LIN52: variants seen among roughly 807,000 people sequenced by gnomAD.
LIN52 encodes the protein protein lin-52 homolog.
LIN52 carries 4 observed loss-of-function variants against 18.5 expected under a neutral mutation model. That is an observed-to-expected ratio of 0.22 (90% CI 0.11 to 0.49). LIN52 has a LOEUF of 0.49. Among genes scored for constraint, LIN52 ranks in the 20% least tolerant of loss-of-function variants. The pLI, the probability that LIN52 is intolerant of heterozygous loss-of-function variation, is 0.97. For missense variants in LIN52, 102 were observed against 139.5 expected (o/e 0.73, Z 1.35); for synonymous variants, 34 against 45.5 (o/e 0.75, Z 1.02).
chr14:74,168,470 C>T (rs2061258458), intron 5 of LIN52, among the ~76,000 whole-genome samples: 1 of 150,972 alleles, frequency 6.6e-6, no homozygotes, highest in African/African-American at 2.4e-5. Flanking sequence ...AGATCGAGAC[C>T]ATCCTGGCTA....
intron 5 of LIN52, among the ~76,000 whole-genome samples, chr14:74,153,505 T>C (rs2061185804): frequency 6.6e-6 from 1 of 152,120 alleles, no homozygotes; most frequent in South Asian, 2.1e-4. Flanking sequence ...TATAAACATG[T>C]TGTCTTTTAA....
chr14:74,136,410 A>G (rs1470037545), intron 5 of LIN52, among the ~76,000 whole-genome samples: 2 of 152,152 alleles, frequency 1.3e-5, no homozygotes, highest in Non-Finnish European at 2.9e-5. Flanking sequence ...CTTAGGTTGA[A>G]AAGCTTGTTA....
At chr14:74,179,929 G>C (rs987568509) in intron 5 of LIN52, among the ~76,000 whole-genome samples, 6 of 152,172 alleles carry the variant, frequency 3.9e-5, no homozygotes, top group Non-Finnish European at 8.8e-5. Flanking sequence ...ATCACCTGTA[G>C]GGCTGGCTAA....
chr14:74,128,281 A>G (rs533815913), intron 5 of LIN52, among the ~76,000 whole-genome samples: 1 of 152,166 alleles, frequency 6.6e-6, no homozygotes, highest in East Asian at 1.9e-4. Context: ...CAAGACAGCT[A>G]GAGTTCACAG....
At chr14:74,192,025 C>T (rs2078880144) in intron 5 of LIN52, among the ~76,000 whole-genome samples, 1 of 152,198 alleles carries the variant, frequency 6.6e-6, no homozygotes, top group South Asian at 2.1e-4. Flanking sequence ...CGACATTACT[C>T]CAGCCAGGCT....
At chr14:74,125,700 A>G (rs184293197) in intron 5 of LIN52, among the ~76,000 whole-genome samples, 52 of 152,176 alleles carry the variant, frequency 3.4e-4, no homozygotes, top group African/African-American at 1.2e-3. Context: ...CTGGAATACT[A>G]TGCAGCCATG....
chr14:74,196,705 A>G (rs1057503208), intron 5 of LIN52, among the ~76,000 whole-genome samples: 1 of 152,190 alleles, frequency 6.6e-6, no homozygotes, highest in Non-Finnish European at 1.5e-5. Flanking sequence ...TCATTCATTC[A>G]TTCATTCATT....
At chr14:74,183,247 G>A (rs1416305231) in intron 5 of LIN52, among the ~76,000 whole-genome samples, 2 of 147,310 alleles carry the variant, frequency 1.4e-5, no homozygotes, top group South Asian at 2.1e-4. Flanking sequence ...ACAGGTGCCC[G>A]CCACCACGCC....
At chr14:74,089,529 G>A (rs554654442) in intron 1 of LIN52, among the ~76,000 whole-genome samples, 1 of 151,954 alleles carries the variant, frequency 6.6e-6, no homozygotes, top group Non-Finnish European at 1.5e-5. Flanking sequence ...CACCACACCT[G>A]GCTAATTTTT....
intron 5 of LIN52, among the ~76,000 whole-genome samples, chr14:74,138,769 CAA>C (rs35627946): frequency 2.8e-4 from 32 of 113,778 alleles, no homozygotes; most frequent in Non-Finnish European, 3.1e-4. Flanking sequence ...GACCCTGCCT[CAA>C]AAAAAAAAAA....
chr14:74,124,810 C>CAGAAA (rs2061019271), intron 5 of LIN52, among the ~76,000 whole-genome samples: 1 of 59,442 alleles, frequency 1.7e-5, no homozygotes, highest in Non-Finnish European at 3.1e-5. Context: ...GACCCTGTCT[C>CAGAAA]AAAAAAAAAA....
chr14:74,172,066 A>G (rs1047373015), intron 5 of LIN52, among the ~76,000 whole-genome samples: 3 of 152,184 alleles, frequency 2.0e-5, no homozygotes, highest in African/African-American at 7.2e-5. Flanking sequence ...AACTTAAGTC[A>G]TATTTCTTGG....
At position 74,161,254 on chromosome 14, in the gene LIN52, C is replaced by T. The variant is rs528006742; in HGVS notation, c.284-37668C>T. The stretch of plus-strand genomic sequence containing the variant: ...CATGCTGGAGTGCAGTGCATGATCT[C>T]GGCTCACTGCAACCTCCGCCTCCTG... On this transcript the variant is annotated intron_variant, in intron 5 of 5. Coordinates refer to ENST00000555028, the MANE Select transcript of LIN52 (RefSeq NM_001024674.3). Among the ~76,000 whole-genome samples, 68 of 152,166 alleles carry T rather than the reference C, an allele frequency of 4.5e-4. 1 individual carries two copies. The South Asian group carries it at 6.4e-3, about 14-fold the overall frequency.
At chr14:74,158,363 T>C (rs1014933233) in intron 5 of LIN52, among the ~76,000 whole-genome samples, 10 of 152,212 alleles carry the variant, frequency 6.6e-5, no homozygotes, top group African/African-American at 2.2e-4. Flanking sequence ...TCCTCTCGCC[T>C]CAGCCTCCCA....
At chr14:74,176,018 G>GGTTA (rs991504254) in intron 5 of LIN52, among the ~76,000 whole-genome samples, 3 of 152,082 alleles carry the variant, frequency 2.0e-5, no homozygotes, top group African/African-American at 7.2e-5. Flanking sequence ...GACTACACAT[G>GGTTA]GTTAGGATCA....
intron 5 of LIN52, among the ~76,000 whole-genome samples, chr14:74,131,918 A>T (rs571325959): frequency 6.6e-6 from 1 of 152,328 alleles, no homozygotes; most frequent in East Asian, 1.9e-4. Flanking sequence ...TTAGAGATAG[A>T]GTCACAACCC....
chr14:74,157,909 G>A (rs1192992664), intron 5 of LIN52, among the ~76,000 whole-genome samples: 2 of 152,146 alleles, frequency 1.3e-5, no homozygotes, highest in East Asian at 3.9e-4. Context: ...TCAGATTAAG[G>A]GCTTTGTGCA....
intron 5 of LIN52, among the ~76,000 whole-genome samples, chr14:74,102,735 G>A (rs1019718886): frequency 1.3e-5 from 2 of 152,078 alleles, no homozygotes; most frequent in African/African-American, 4.8e-5. Flanking sequence ...TGTTATGTTT[G>A]TTATATCAAG....
rs71115969 is a variant in LIN52 at position 74,185,309 on chromosome 14, C to CTTTTTTTTTT, written c.284-13599_284-13590dup. 1.1e-3 allele frequency among the ~76,000 whole-genome samples: 84 copies of CTTTTTTTTTT among 78,790 alleles called. 5 individuals carry two copies. Among genetic ancestry groups the CTTTTTTTTTT allele is most frequent in the East Asian group, 2.4e-3 (6 of 2,450 alleles). 51.7% of individuals were successfully genotyped at this position (78,790 alleles called of 152,430 possible). A position where few individuals can be genotyped will look rare whatever the true frequency, so the allele number is the denominator to read the frequency against. ...AATATATTTGATTTTATAATGATTT[C>CTTTTTTTTTT]TTTTTTTTTTTTTTTTTTTTTTTGA... On this transcript the variant is annotated intron_variant, in intron 5 of 5. Coordinates refer to ENST00000555028, the MANE Select transcript of LIN52 (RefSeq NM_001024674.3).
Sources: allele counts gnomAD v4.1 joint callset (sites outside exome capture counted in the v4.1 genomes callset), GRCh38; gene constraint gnomAD v4.1.1; transcripts MANE v1.5; gene names NCBI Gene and HGNC (gene_info 2026-07-23, HGNC 2026-07-21).